The following EEIG1 variants were observed in gnomAD, a reference collection of about 807,000 sequenced individuals.
EEIG1 encodes early estrogen-induced gene 1 protein.
chr9:127,956,080 G>A, the EEIG1 span, among the ~76,000 whole-genome samples: 3 of 152,220 alleles, frequency 2.0e-5, no homozygotes, highest in Non-Finnish European at 2.9e-5. Flanking sequence ...GGCTGAAGAC[G>A]GGAGGAAGGG....
At chr9:127,962,272 C>T in the EEIG1 span, among the ~76,000 whole-genome samples, 1 of 152,260 alleles carries the variant, frequency 6.6e-6, no homozygotes, top group East Asian at 1.9e-4. Context: ...AAGGCCACCT[C>T]TGGCCACTGG....
At chr9:127,953,804 C>T in the EEIG1 span, 1 of 1,614,034 alleles carries the variant, frequency 6.2e-7, no homozygotes, top group Non-Finnish European at 8.5e-7. Flanking sequence ...CTTGGCCTCA[C>T]CTTGCGCACA....
the EEIG1 span, among the ~76,000 whole-genome samples, chr9:127,951,814 C>CAAAAAAAAAAA: frequency 9.2e-6 from 1 of 109,220 alleles, no homozygotes; most frequent in Non-Finnish European, 1.8e-5. Context: ...GACTCCATCT[C>CAAAAAAAAAAA]AAAAAAAAAA....
the EEIG1 span, chr9:127,944,903 G>T: frequency 1.7e-5 from 27 of 1,610,242 alleles, no homozygotes. Context: ...TTCCGCCTGG[G>T]TCAGGTCGTG....
the EEIG1 span, among the ~76,000 whole-genome samples, chr9:127,970,394 C>T: frequency 6.6e-6 from 1 of 152,194 alleles, no homozygotes; most frequent in Non-Finnish European, 1.5e-5. Flanking sequence ...GCTGGGATTA[C>T]AGGAGTGAGC....
At chr9:127,958,083 G>GA in the EEIG1 span, among the ~76,000 whole-genome samples, 1 of 152,118 alleles carries the variant, frequency 6.6e-6, no homozygotes, top group Non-Finnish European at 1.5e-5. Context: ...AATTCAGTGG[G>GA]AAAAAGAATA....
the EEIG1 span, among the ~76,000 whole-genome samples, chr9:127,958,566 G>A: frequency 6.6e-6 from 1 of 152,064 alleles, no homozygotes; most frequent in Non-Finnish European, 1.5e-5. Flanking sequence ...TTGGGAGGCT[G>A]AGGCAAGAGG....
chr9:127,955,193 C>T, the EEIG1 span, among the ~76,000 whole-genome samples: 1 of 152,214 alleles, frequency 6.6e-6, no homozygotes, highest in Non-Finnish European at 1.5e-5. Flanking sequence ...ACTGCCAGAT[C>T]GAGGCCTCAG....
the EEIG1 span, among the ~76,000 whole-genome samples, chr9:127,954,706 C>G: frequency 1.6e-4 from 24 of 152,156 alleles, no homozygotes; most frequent in Admixed American, 1.6e-3. Flanking sequence ...TGAGGCCCAC[C>G]ACAGGTAAGA....
At chr9:127,973,802 C>T in the EEIG1 span, among the ~76,000 whole-genome samples, 1 of 152,176 alleles carries the variant, frequency 6.6e-6, no homozygotes, top group Non-Finnish European at 1.5e-5. The surrounding 1 kb of genome is among the most constrained non-coding windows in gnomAD (Gnocchi z 4.2). Flanking sequence ...CCCCGACCTG[C>T]ACCTGGAAGG....
chr9:127,945,829 G>A, the EEIG1 span: 1 of 1,015,054 alleles, frequency 9.9e-7, no homozygotes, highest in Non-Finnish European at 1.5e-6. The surrounding 1 kb of genome is among the most constrained non-coding windows in gnomAD (Gnocchi z 6.5). Context: ...TTCACAACGT[G>A]CCCTCACAGA....
the EEIG1 span, chr9:127,980,120 C>T: frequency 1.2e-6 from 2 of 1,612,996 alleles, no homozygotes; most frequent in Non-Finnish European, 1.7e-6. Flanking sequence ...ATTTCTTCTT[C>T]TTCATCAAGA....
the EEIG1 span, chr9:127,945,441 A>G: frequency 1.3e-6 from 2 of 1,565,604 alleles, no homozygotes; most frequent in East Asian, 4.7e-5. This position sits in a 1 kb window ranked among gnomAD's most constrained non-coding sequence, Gnocchi z 6.5. Flanking sequence ...GCTCCCGCTC[A>G]CTGCCCTCAG....
chr9:127,971,635 C>T, the EEIG1 span, among the ~76,000 whole-genome samples: 1 of 152,144 alleles, frequency 6.6e-6, no homozygotes, highest in Non-Finnish European at 1.5e-5. Flanking sequence ...AGAAAAGCCC[C>T]GGCACCAGGA....
chr9:127,949,185 G>T, the EEIG1 span, among the ~76,000 whole-genome samples: 5 of 151,864 alleles, frequency 3.3e-5, no homozygotes, highest in Non-Finnish European at 2.9e-5. Flanking sequence ...GTGGTGGCGG[G>T]CACCTGTAGT....
At chr9:127,956,569 C>A in the EEIG1 span, among the ~76,000 whole-genome samples, 1 of 152,072 alleles carries the variant, frequency 6.6e-6, no homozygotes, top group African/African-American at 2.4e-5. Context: ...CACCACCAAG[C>A]TCGACTAATT....
At chr9:127,959,433 G>C in the EEIG1 span, among the ~76,000 whole-genome samples, 1 of 152,228 alleles carries the variant, frequency 6.6e-6, no homozygotes, top group Admixed American at 6.5e-5. Context: ...GAAATGTCCA[G>C]AATAGGCAAA....
the EEIG1 span, among the ~76,000 whole-genome samples, chr9:127,953,077 C>T: frequency 1.3e-5 from 2 of 151,852 alleles, no homozygotes; most frequent in South Asian, 2.1e-4. Flanking sequence ...TTGCAGTGAG[C>T]GAAGATTGTG....
At chr9:127,955,465 G>A in the EEIG1 span, among the ~76,000 whole-genome samples, 17 of 152,390 alleles carry the variant, frequency 1.1e-4, no homozygotes, top group African/African-American at 2.9e-4. Context: ...AAAGCCTGGC[G>A]AGGAGAACCT....
Sources: gnomAD v4.1 joint callset for allele counts (sites outside exome capture counted in the v4.1 genomes callset) on GRCh38, gnomAD v4.1.1 for gene constraint, Gnocchi (gnomAD v3.1) non-coding constraint, MANE v1.5 for transcripts, NCBI Gene and HGNC (gene_info 2026-07-23, HGNC 2026-07-21) for gene names.